The following PCLO variants were observed in gnomAD, a reference collection of about 807,000 sequenced individuals.
PCLO encodes the protein piccolo presynaptic cytomatrix protein.
Under a neutral mutation model 427.5 loss-of-function variants are expected in PCLO, and 82 were observed. That is an observed-to-expected ratio of 0.19 (90% CI 0.16 to 0.23). The LOEUF is 0.23. PCLO is among the 10% of genes least tolerant of loss of function. The probability of loss-of-function intolerance (pLI) is 1.00; values close to 1 mark genes in which losing one functional copy is unlikely to be tolerated. For synonymous variants in PCLO, 2,357 were observed against 2,155.4 expected (o/e 1.09, Z -2.59); for missense variants, 6,239 against 6,115.9 (o/e 1.02, Z -0.67).
intron 3 of PCLO, among the ~76,000 whole-genome samples, chr7:82,987,741 C>G (rs1796287531): frequency 6.6e-6 from 1 of 152,022 alleles, no homozygotes; most frequent in East Asian, 1.9e-4. Flanking sequence ...CAGTTCCAAC[C>G]AACAATCAGT....
Position 82,914,966 on chromosome 7 carries a change from G to C in PCLO, c.13020C>G (p.Thr4340=). 6.2e-7 allele frequency: 1 copy of C among 1,613,658 alleles called. No individual in the cohort carries two copies. Among genetic ancestry groups the C allele is most frequent in the South Asian group, 1.1e-5 (1 of 91,080 alleles). The change falls in exon 7 of 25, where the codon ACC becomes ACG. Residue 4340 remains threonine, a synonymous_variant. Transcript: ENST00000333891. ...HASSSARTKP[T]SLPISQSRGR... ...CTCTACTTTGACTAATTGGCAAACT[G>C]GTCGGCTTAGTTCTGGCAGAGGATG...
At chr7:82,893,337 A>G (rs1020836895) in intron 9 of PCLO, among the ~76,000 whole-genome samples, 2 of 151,896 alleles carry the variant, frequency 1.3e-5, no homozygotes, top group African/African-American at 2.4e-5. Context: ...AAAACCAAAC[A>G]CTGCATGTTC....
intron 6 of PCLO, among the ~76,000 whole-genome samples, chr7:82,928,645 G>C (rs1413485648): frequency 6.6e-6 from 1 of 152,152 alleles, no homozygotes; most frequent in Non-Finnish European, 1.5e-5. Flanking sequence ...AAAATGCTGG[G>C]ATTGCAGGCA....
chr7:82,994,521 T>C (rs1796449629), intron 3 of PCLO, among the ~76,000 whole-genome samples: 1 of 151,892 alleles, frequency 6.6e-6, no homozygotes, highest in Admixed American at 6.6e-5. Context: ...ACTAAAGCAG[T>C]TAAGAGACCA....
In PCLO at chr7:83,134,875, G is replaced by A; in HGVS notation, c.2675C>T (p.Pro892Leu). ...RPTAGQTVPT[P>L]QQSPKPQEQS... ...CTCCTGAGGCTTTGGGGACTGTTGA[G>A]GTGTGGGGACAGTTTGGCCAGCGGT... is the stretch of plus-strand genomic sequence containing the variant. The change falls in exon 3 of 25, where the codon CCT becomes CTT. Residue 892 changes from proline (P) to leucine (L), a missense_variant. Around this residue, in one of 5 missense-constraint regions of PCLO, gnomAD observed 4,677 missense variants for 4,468.4 expected, o/e 1.05. Transcript: ENST00000333891. 1 of 1,606,386 alleles carries A rather than the reference G, an allele frequency of 6.2e-7. No individual in the cohort carries two copies. The highest frequency in any genetic ancestry group is 8.5e-7 in the Non-Finnish European group (1 of 1,176,122).
intron 20 of PCLO, chr7:82,821,858 T>C (rs1791800298): frequency 1.0e-6 from 1 of 981,738 alleles, no homozygotes; most frequent in Non-Finnish European, 1.2e-6. Context: ...TTTGAGAATG[T>C]AAGAAATAAG....
chr7:82,791,400 C>T (rs1791098605), intron 22 of PCLO, among the ~76,000 whole-genome samples: 1 of 152,156 alleles, frequency 6.6e-6, no homozygotes, highest in African/African-American at 2.4e-5. Flanking sequence ...CAATGGTGTG[C>T]TATTTCTTGG....
chr7:83,038,013 A>ATCTT (rs1487364339), intron 3 of PCLO, among the ~76,000 whole-genome samples: 2 of 47,268 alleles, frequency 4.2e-5, no homozygotes, highest in African/African-American at 2.9e-4. Flanking sequence ...ATATATATAT[A>ATCTT]TATATATATA....
chr7:83,093,492 A>ATATATATTTTTTTTTTTTTTTTTTTTTTT, intron 3 of PCLO, among the ~76,000 whole-genome samples: 3 of 59,320 alleles, frequency 5.1e-5, no homozygotes, highest in Admixed American at 2.9e-4. Flanking sequence ...ATATATATAT[A>ATATATATTTTTTTTTTTTTTTTTTTTTTT]TTTTTTTTTT....
At chr7:83,025,162 CG>C (rs955324243) in intron 3 of PCLO, among the ~76,000 whole-genome samples, 4 of 151,914 alleles carry the variant, frequency 2.6e-5, no homozygotes, top group African/African-American at 4.8e-5. Context: ...CTCTGAGCTA[CG>C]GGAGGATATT....
Position 82,866,655 on chromosome 7 carries a change from TACACACACACACAC to T in PCLO, c.13654+12668_13654+12681del, listed in dbSNP as rs71096605. Among the ~76,000 whole-genome samples, 417 of 143,190 alleles carry T rather than the reference TACACACACACACAC, an allele frequency of 2.9e-3. 5 individuals carry two copies. The highest frequency in any genetic ancestry group is 0.022 in the East Asian group (107 of 4,806). 93.9% of individuals were successfully genotyped at this position (143,190 alleles called of 152,430 possible). A position where few individuals can be genotyped will look rare whatever the true frequency, so the allele number is the denominator to read the frequency against. Reference sequence around the variant, plus strand: ...CTTCACTACTCTCAATGAAATTTTATACACACACACACACACACACACACACACACACACACACA... The same window carrying T: ...CTTCACTACTCTCAATGAAATTTTATACACACACACACACACACACACACA... On this transcript the variant is annotated intron_variant, in intron 10 of 24. Coordinates refer to ENST00000333891, the MANE Select transcript of PCLO (RefSeq NM_033026.6).
chr7:83,030,314 G>A (rs1163327503), intron 3 of PCLO, among the ~76,000 whole-genome samples: 1 of 152,146 alleles, frequency 6.6e-6, no homozygotes, highest in South Asian at 2.1e-4. Flanking sequence ...CTCTACAGGG[G>A]ATATCCCTTC....
intron 22 of PCLO, among the ~76,000 whole-genome samples, chr7:82,768,077 T>C (rs183201493): frequency 6.6e-6 from 1 of 152,236 alleles, no homozygotes; most frequent in Admixed American, 6.5e-5. Flanking sequence ...GGAAGAGAAC[T>C]AATTTACTTA....
intron 3 of PCLO, among the ~76,000 whole-genome samples, chr7:83,026,011 T>C (rs1281582620): frequency 6.6e-6 from 1 of 151,842 alleles, no homozygotes. Flanking sequence ...TGCCAAAATG[T>C]AAAGACCATC....
intron 3 of PCLO, among the ~76,000 whole-genome samples, chr7:83,005,905 T>C (rs1391235441): frequency 1.3e-5 from 2 of 151,636 alleles, no homozygotes; most frequent in Admixed American, 1.3e-4. Flanking sequence ...AATGCCTTCA[T>C]TTGTAATTTG....
Position 82,968,219 on chromosome 7 carries a change from A to G in PCLO, c.3301-1732T>C, listed in dbSNP as rs1795822710. On this transcript the variant is annotated intron_variant, in intron 3 of 24. Transcript: ENST00000333891. ...CAATAAAATATTAGGATATATATGG[A>G]TTCATTTGCTTTTTGTGTATATAAT... 2.6e-5 allele frequency among the ~76,000 whole-genome samples: 4 copies of G among 152,204 alleles called. No individual in the cohort carries two copies. In the South Asian group the frequency reaches 8.3e-4, roughly 31 times the overall value.
At chr7:82,810,976 A>G (rs373437719) in intron 20 of PCLO, among the ~76,000 whole-genome samples, 11 of 151,734 alleles carry the variant, frequency 7.2e-5, no homozygotes, top group East Asian at 3.8e-4. Context: ...CCAAAAAATT[A>G]GTGTTTGGAA....
intron 3 of PCLO, among the ~76,000 whole-genome samples, chr7:83,098,171 G>A (rs1334241355): frequency 3.9e-5 from 6 of 152,040 alleles, no homozygotes; most frequent in Non-Finnish European, 5.9e-5. Flanking sequence ...TGACTTTGAA[G>A]TGCTTAAAGG....
At chr7:83,093,492 A>ATATATATATATATATT in intron 3 of PCLO, among the ~76,000 whole-genome samples, 1 of 59,320 alleles carries the variant, frequency 1.7e-5, no homozygotes, top group African/African-American at 5.4e-5. Context: ...ATATATATAT[A>ATATATATATATATATT]TTTTTTTTTT....
Sources: gnomAD v4.1 joint callset for allele counts (sites outside exome capture counted in the v4.1 genomes callset) on GRCh38, gnomAD v4.1.1 for gene constraint, gnomAD v4.1.1 regional missense constraint, MANE v1.5 for transcripts, NCBI Gene and HGNC (gene_info 2026-07-23, HGNC 2026-07-21) for gene names.